The following PEBP4 variants were observed in gnomAD, a reference collection of about 807,000 sequenced individuals.
PEBP4 encodes phosphatidylethanolamine binding protein 4.
A neutral mutation model predicts 23.9 loss-of-function variants in PEBP4; 22 were observed. The ratio of observed to expected loss-of-function variants is 0.92; its 90% CI spans 0.66 to 1.31. The LOEUF is 1.31. Among genes scored for constraint, PEBP4 ranks in the 40% most tolerant of loss-of-function variants. The probability of loss-of-function intolerance (pLI) is 0.00; values close to 1 mark genes in which losing one functional copy is unlikely to be tolerated. For synonymous variants in PEBP4, 112 were observed against 99.3 expected, an observed-to-expected ratio of 1.13 and a Z score of -0.76; for missense variants, 324 against 281.7, an observed-to-expected ratio of 1.15 and a Z score of -1.07.
At chr8:22,863,580 C>T (rs1563241574) in intron 3 of PEBP4, among the ~76,000 whole-genome samples, 1 of 152,172 alleles carries the variant, frequency 6.6e-6, no homozygotes, top group Non-Finnish European at 1.5e-5. Context: ...CCTTCTATCT[C>T]TATACGCCTC....
chr8:22,839,007 G>A (rs924756569), intron 3 of PEBP4, among the ~76,000 whole-genome samples: 2 of 152,168 alleles, frequency 1.3e-5, no homozygotes, highest in African/African-American at 2.4e-5. Context: ...CCATGCCTTC[G>A]CTACAGGCAA....
chr8:22,780,442 C>T (rs1805891559), intron 4 of PEBP4, among the ~76,000 whole-genome samples: 1 of 152,120 alleles, frequency 6.6e-6, no homozygotes, highest in Non-Finnish European at 1.5e-5. Context: ...GTCCTCTCCC[C>T]TCCCTAAGCA....
At chr8:22,785,299 G>T (rs182214029) in intron 4 of PEBP4, among the ~76,000 whole-genome samples, 1 of 152,292 alleles carries the variant, frequency 6.6e-6, no homozygotes, top group African/African-American at 2.4e-5. Flanking sequence ...AACCGGAATC[G>T]AGAGCTGCTG....
At chr8:22,807,901 A>G (rs1585283887) in intron 4 of PEBP4, among the ~76,000 whole-genome samples, 1 of 150,728 alleles carries the variant, frequency 6.6e-6, no homozygotes, top group African/African-American at 2.4e-5. Flanking sequence ...CCATCCACCC[A>G]CCCAACCTCT....
intron 4 of PEBP4, among the ~76,000 whole-genome samples, chr8:22,812,944 A>G (rs1806662504): frequency 6.6e-6 from 1 of 152,154 alleles, no homozygotes; most frequent in African/African-American, 2.4e-5. Flanking sequence ...AGTTTCACAG[A>G]GGCGAAGTTG....
upstream of PEBP4, among the ~76,000 whole-genome samples, chr8:22,928,076 C>T (rs575803280): frequency 4.6e-4 from 70 of 152,350 alleles, no homozygotes; most frequent in African/African-American, 1.6e-3. Flanking sequence ...TTGTCCAGTC[C>T]CTGCTGTTGG....
At chr8:22,918,650 G>A (rs900219250) in intron 3 of PEBP4, among the ~76,000 whole-genome samples, 4 of 152,184 alleles carry the variant, frequency 2.6e-5, no homozygotes, top group African/African-American at 9.7e-5. Context: ...ACTGTCCCTG[G>A]CCTGTGAAAG....
chr8:22,766,366 C>T (rs533379005), intron 4 of PEBP4, among the ~76,000 whole-genome samples: 8 of 152,352 alleles, frequency 5.3e-5, no homozygotes, highest in South Asian at 4.1e-4. Flanking sequence ...TCTGACCTCA[C>T]GGAGCTGGCA....
At chr8:22,844,694 A>T (rs1235240021) in intron 3 of PEBP4, among the ~76,000 whole-genome samples, 1 of 152,158 alleles carries the variant, frequency 6.6e-6, no homozygotes, top group African/African-American at 2.4e-5. Context: ...GAGTTCAGGG[A>T]GAGACCACTC....
intron 4 of PEBP4, among the ~76,000 whole-genome samples, chr8:22,810,156 G>A (rs1806587496): frequency 6.6e-6 from 1 of 152,182 alleles, no homozygotes; most frequent in African/African-American, 2.4e-5. Context: ...ACTCTTTAAA[G>A]GCCATTCCTT....
chr8:22,739,858 A>G (rs1804951979), intron 4 of PEBP4, among the ~76,000 whole-genome samples: 1 of 152,060 alleles, frequency 6.6e-6, no homozygotes, highest in Non-Finnish European at 1.5e-5. Context: ...CACCTATGAG[A>G]TGAGGTGTCC....
chr8:22,769,176 C>T (rs1805668628), intron 4 of PEBP4, among the ~76,000 whole-genome samples: 1 of 152,210 alleles, frequency 6.6e-6, no homozygotes, highest in African/African-American at 2.4e-5. Context: ...GGCCTCAGTG[C>T]CCCTCAGTGC....
chr8:22,830,728 G>A (rs923260437), intron 3 of PEBP4, among the ~76,000 whole-genome samples: 3 of 151,612 alleles, frequency 2.0e-5, no homozygotes, highest in South Asian at 2.1e-4. Context: ...CCAATCCACC[G>A]CCAATTCTTG....
chr8:22,847,039 A>C (rs1807451310), intron 3 of PEBP4, among the ~76,000 whole-genome samples: 1 of 152,152 alleles, frequency 6.6e-6, no homozygotes, highest in Admixed American at 6.5e-5. Context: ...GATCCTGGTA[A>C]ATTGGTCCTC....
chr8:22,796,645 G>T (rs1806266205), intron 4 of PEBP4, among the ~76,000 whole-genome samples: 1 of 152,160 alleles, frequency 6.6e-6, no homozygotes, highest in African/African-American at 2.4e-5. Flanking sequence ...ACCTAAGATG[G>T]TTAGAGCCAA....
chr8:22,751,102 G>C (rs943405478), intron 4 of PEBP4, among the ~76,000 whole-genome samples: 1 of 152,294 alleles, frequency 6.6e-6, no homozygotes, highest in East Asian at 1.9e-4. Context: ...GAAACTTGTG[G>C]TAAGACTCAG....
chr8:22,924,941 G>A (rs1275408879), intron 2 of PEBP4: 2 of 985,214 alleles, frequency 2.0e-6, no homozygotes, highest in Non-Finnish European at 2.4e-6. Context: ...ATACCTTTAG[G>A]CATTGAGTCC....
At chr8:22,792,343 G>A (rs959460279) in intron 4 of PEBP4, among the ~76,000 whole-genome samples, 1 of 152,072 alleles carries the variant, frequency 6.6e-6, no homozygotes, top group Non-Finnish European at 1.5e-5. Flanking sequence ...AGGGCTGCAG[G>A]GCCTTACCCC....
intron 4 of PEBP4, chr8:22,757,617 G>A (rs1805416407): frequency 6.6e-6 from 1 of 152,214 alleles, no homozygotes. Context: ...GCTGCAACTG[G>A]AAATCAGGCT....
Sources: allele counts gnomAD v4.1 joint callset (sites outside exome capture counted in the v4.1 genomes callset), GRCh38; gene constraint gnomAD v4.1.1; transcripts MANE v1.5; gene names NCBI Gene and HGNC (gene_info 2026-07-23, HGNC 2026-07-21).